Variants in TRIM4 observed in about 807,000 individuals in gnomAD.
TRIM4 encodes tripartite motif containing 4.
Under a neutral mutation model 33.7 loss-of-function variants are expected in TRIM4, and 29 were observed. The observed-to-expected ratio is 0.86, with a 90% confidence interval of 0.64 to 1.17. The LOEUF is 1.17. TRIM4 is among the 50% of genes most tolerant of loss of function. The pLI is 0.00. For synonymous variants in TRIM4, 224 were observed against 233.0 expected (o/e 0.96, Z 0.35); for missense variants, 554 against 593.7 (o/e 0.93, Z 0.69).
chr7:99,906,202 TGAG>T (rs1192305959), intron 3 of TRIM4, among the ~76,000 whole-genome samples: 1 of 152,050 alleles, frequency 6.6e-6, no homozygotes, highest in African/African-American at 2.4e-5. Flanking sequence ...GGCTACCCTT[TGAG>T]GAGAAGGGAA....
At position 99,919,340 on chromosome 7, in the gene TRIM4, T is replaced by C. The variant is rs1644105610; in HGVS notation, c.62A>G (p.Asp21Gly). ...GTGGCCGCACTCGATGGACACCGGGTCCTGGAAATAGTCCAGGCAGATGGG... is the reference window on the plus strand; with the variant it reads ...GTGGCCGCACTCGATGGACACCGGGCCCTGGAAATAGTCCAGGCAGATGGG... ...TCPICLDYFQ[D>G]PVSIECGHNF... is the part of the protein sequence containing the mutation. The change falls in exon 1 of 6, where the codon GAC becomes GGC. Residue 21 changes from aspartate to glycine, a missense_variant. Around this residue, in one of 3 missense-constraint regions of TRIM4, gnomAD observed 233 missense variants for 203.1 expected, o/e 1.15. Transcript: ENST00000349062. 2 of 1,579,988 alleles carry C rather than the reference T, an allele frequency of 1.3e-6. No homozygotes were observed. The highest frequency in any genetic ancestry group is 2.7e-5 in the African/African-American group (2 of 73,004).
In TRIM4 at chr7:99,903,576, C is replaced by A; in HGVS notation, c.743G>T (p.Arg248Met). 6.2e-7 allele frequency: 1 copy of A among 1,614,182 alleles called. No homozygotes were observed. Among genetic ancestry groups the A allele is most frequent in the Non-Finnish European group, 8.5e-7 (1 of 1,180,030 alleles). The change falls in exon 4 of 6, where the codon AGG becomes ATG. Residue 248 changes from arginine to methionine, a missense_variant and splice_region_variant. Physicochemically the swap from Arg to Met is moderately conservative, Grantham distance 91. Around this residue, in one of 3 missense-constraint regions of TRIM4, gnomAD observed 290 missense variants for 335.8 expected, o/e 0.86. Coordinates refer to ENST00000349062, the MANE Select transcript of TRIM4 (RefSeq NM_033091.3). ...CCCATAAGAGAACAGGAGTGCATACCTGGTCAACACTTCTTTTGGATTCTG... is the reference window on the plus strand; with the variant it reads ...CCCATAAGAGAACAGGAGTGCATACATGGTCAACACTTCTTTTGGATTCTG... ...LLQNPKEVLT[R>M]SEIQDVNYSL...
At position 99,908,564 on chromosome 7, in the gene TRIM4, C is replaced by T. The variant is rs778890595; in HGVS notation, c.720+18G>A. The T allele has an allele frequency of 6.3e-7, 1 of 1,584,674 alleles. No individual in the cohort carries two copies. Among genetic ancestry groups the T allele is most frequent in the Non-Finnish European group, 8.6e-7 (1 of 1,160,576 alleles). On this transcript the variant is annotated intron_variant, in intron 3 of 5. Transcript: ENST00000349062. Reference sequence around the variant, plus strand: ...CAGTTAGTGAAGATGAGATCACCCCCACTCGTAACTGTCTCACCTGAAGCA... The same window carrying T: ...CAGTTAGTGAAGATGAGATCACCCCTACTCGTAACTGTCTCACCTGAAGCA...
intron 1 of TRIM4, among the ~76,000 whole-genome samples, chr7:99,918,581 T>C (rs1357213199): frequency 6.7e-6 from 1 of 148,744 alleles, no homozygotes; most frequent in Non-Finnish European, 1.5e-5. Flanking sequence ...AAAAAAAAAA[T>C]CTCATTGATA....
At chr7:99,894,679 AAAAAG>A (rs1384905731) in intron 5 of TRIM4, among the ~76,000 whole-genome samples, 35 of 151,804 alleles carry the variant, frequency 2.3e-4, no homozygotes, top group Admixed American at 5.2e-4. Context: ...CCCCAAAAAA[AAAAAG>A]AAAAGAAAAG....
At position 99,919,147 on chromosome 7, in the gene TRIM4, G is replaced by A. The variant is rs1819631796; in HGVS notation, c.255C>T (p.Gly85=). 1 of 1,495,754 alleles carries A rather than the reference G, an allele frequency of 6.7e-7. No individual in the cohort carries two copies. Among genetic ancestry groups the A allele is most frequent in the African/African-American group, 1.5e-5 (1 of 68,322 alleles). The allele number at this position is 1,495,754 out of a possible 1,614,324, so 92.7% of individuals were successfully genotyped here. The change falls in exon 1 of 6, where the codon GGC becomes GGT. Residue 85 remains glycine, a synonymous_variant. Coordinates refer to ENST00000349062, the MANE Select transcript of TRIM4 (RefSeq NM_033091.3). ...QRRRLGPVPP[G]LCGRHWEPLR... Reference sequence around the variant, plus strand: ...GCGGCTCCCAGTGGCGGCCGCACAGGCCCGGGGGCACGGGGCCCAGGCGCC... The same window carrying A: ...GCGGCTCCCAGTGGCGGCCGCACAGACCCGGGGGCACGGGGCCCAGGCGCC...
rs1025506489 is a variant in TRIM4, at chr7:99,903,470, G to A, written c.743+106C>T. The stretch of plus-strand genomic sequence containing the variant: ...AGAATTTTTCCTCAGACCCCCATTA[G>A]GGTGTGCCCAGACTGACCTATGGAT... On this transcript the variant is annotated intron_variant, in intron 4 of 5. Transcript: ENST00000349062. The A allele has an allele frequency of 5.4e-6, 8 of 1,472,792 alleles. No homozygotes were observed. The Middle Eastern group carries it at 5.2e-4, about 95-fold the overall frequency. 91.2% of individuals were successfully genotyped at this position (1,472,792 alleles called of 1,614,324 possible). A position where few individuals can be genotyped will look rare whatever the true frequency, so the allele number is the denominator to read the frequency against.
chr7:99,903,202 T>C lies in TRIM4; in HGVS notation c.841+16A>G, dbSNP rs761245215. 1.1e-5 allele frequency: 18 copies of C among 1,595,242 alleles called. No individual in the cohort carries two copies. The Admixed American group carries it at 2.4e-4, about 21-fold the overall frequency. ...AAGATTTCTAAGGAGCCCCAAGTCCTAGAAATTCTGCTCACCTTGGAATCG... is the reference window on the plus strand; with the variant it reads ...AAGATTTCTAAGGAGCCCCAAGTCCCAGAAATTCTGCTCACCTTGGAATCG... On this transcript the variant is annotated intron_variant, in intron 5 of 5. Transcript: ENST00000349062.
chr7:99,916,916 A>T, intron 1 of TRIM4: 1 of 661,062 alleles, frequency 1.5e-6, no homozygotes, highest in Non-Finnish European at 2.7e-6. Flanking sequence ...TTTTTCTTCA[A>T]GCTCATGGCC....
At position 99,919,139 on chromosome 7, in the gene TRIM4, C is replaced by A. The variant is rs1405031726; in HGVS notation, c.263G>T (p.Gly88Val). The change falls in exon 1 of 6, where the codon GGC (glycine) becomes GTC (valine). Residue 88 changes from glycine (G) to valine (V), a missense_variant. Gly to Val is a moderately radical substitution (Grantham distance 109). Transcript: ENST00000349062. ...RLGPVPPGLC[G>V]RHWEPLRLFC... The stretch of plus-strand genomic sequence containing the variant: ...GAGCCGCAGCGGCTCCCAGTGGCGG[C>A]CGCACAGGCCCGGGGGCACGGGGCC... 2.0e-6 allele frequency: 3 copies of A among 1,506,216 alleles called. No individual in the cohort carries two copies. Among genetic ancestry groups the A allele is most frequent in the South Asian group, 2.5e-5 (2 of 81,024 alleles). 93.3% of individuals were successfully genotyped at this position (1,506,216 alleles called of 1,614,324 possible).
chr7:99,909,133 G>GCT (rs1554452961), intron 2 of TRIM4, among the ~76,000 whole-genome samples: 1 of 148,410 alleles, frequency 6.7e-6, no homozygotes. Flanking sequence ...GGAGTGTGAG[G>GCT]GTGTGTGTGT....
chr7:99,903,241 T>G lies in TRIM4; in HGVS notation c.818A>C (p.Lys273Thr), dbSNP rs61742750. The change falls in exon 5 of 6, where the codon AAG (lysine) becomes ACG (threonine). Residue 273 changes from lysine to threonine, a missense_variant. By Grantham distance (78) the Lys-to-Thr change is moderately conservative. This residue lies in a region of TRIM4 where 290 missense variants were observed against 335.8 expected (regional missense o/e 0.86). Coordinates refer to ENST00000349062, the MANE Select transcript of TRIM4 (RefSeq NM_033091.3). ...ACCTTGGAATCGCTTTAGCATTTCC[T>G]TCATCAATGGTATCTGGCACACTGT... ...VKTVCQIPLMKEMLKRFQVAV... is the reference protein window; with the variant it reads ...VKTVCQIPLMTEMLKRFQVAV... 4,481 of 1,612,838 alleles carry G rather than the reference T, an allele frequency of 2.8e-3. 122 individuals carry two copies. In the African/African-American group the frequency reaches 0.055, roughly 20 times the overall value.
At chr7:99,905,904 C>G (rs549697538) in intron 3 of TRIM4, among the ~76,000 whole-genome samples, 5 of 151,734 alleles carry the variant, frequency 3.3e-5, no homozygotes, top group African/African-American at 1.2e-4. Context: ...CAGCACTTTG[C>G]GAAGCCAAGG....
chr7:99,892,719 G>C lies in TRIM4; in HGVS notation c.869C>G (p.Ala290Gly), dbSNP rs1006859460. ...QVAVNLAEDT[A>G]HPKLVFSQEG... ...CTGGGAGAAGACGAGTTTGGGATGAGCTGTGTCTTCAGCTAGGTTTACAGC... is the reference window on the plus strand; with the variant it reads ...CTGGGAGAAGACGAGTTTGGGATGACCTGTGTCTTCAGCTAGGTTTACAGC... Residue 290 changes from alanine (A) to glycine (G), a missense_variant, in exon 6 of 6, where the codon GCT becomes GGT. Ala to Gly is a moderately conservative substitution (Grantham distance 60, BLOSUM62 0). Transcript: ENST00000349062. The C allele has an allele frequency of 6.2e-7, 1 of 1,613,610 alleles. No individual in the cohort carries two copies. The highest frequency in any genetic ancestry group is 8.5e-7 in the Non-Finnish European group (1 of 1,179,946).
intron 3 of TRIM4, among the ~76,000 whole-genome samples, chr7:99,906,816 A>G (rs759944808): frequency 7.9e-5 from 12 of 152,182 alleles, no homozygotes; most frequent in Non-Finnish European, 1.5e-4. Context: ...ACCGCACTCC[A>G]GTCTGGGTAA....
intron 1 of TRIM4, among the ~76,000 whole-genome samples, chr7:99,915,399 C>T (rs1346233278): frequency 1.3e-5 from 2 of 152,182 alleles, no homozygotes; most frequent in African/African-American, 4.8e-5. Flanking sequence ...CACTTGGAGG[C>T]CTTTTCCATG....
intron 3 of TRIM4, chr7:99,908,138 A>AAATATGGGG (rs1819351618): frequency 6.5e-6 from 1 of 153,296 alleles, no homozygotes; most frequent in South Asian, 2.1e-4. Flanking sequence ...GTACCACTCA[A>AAATATGGGG]AATATGGGGA....
At chr7:99,906,956 T>C (rs555292522) in intron 3 of TRIM4, among the ~76,000 whole-genome samples, 31 of 152,266 alleles carry the variant, frequency 2.0e-4, no homozygotes, top group Non-Finnish European at 3.8e-4. Context: ...CAGGTAGCCA[T>C]TACCGGAAAA....
intron 5 of TRIM4, among the ~76,000 whole-genome samples, chr7:99,897,921 C>T (rs888912634): frequency 1.3e-5 from 2 of 152,232 alleles, no homozygotes; most frequent in Non-Finnish European, 2.9e-5. Context: ...CACTAAACAT[C>T]TCACCTGTTG....
Sources: allele counts gnomAD v4.1 joint callset (sites outside exome capture counted in the v4.1 genomes callset), GRCh38; gene constraint gnomAD v4.1.1; regional missense constraint gnomAD v4.1.1; transcripts MANE v1.5; gene names NCBI Gene and HGNC (gene_info 2026-07-23, HGNC 2026-07-21).